The following NOL11 variants were observed in gnomAD, a reference collection of about 807,000 sequenced individuals.
NOL11 encodes nucleolar protein 11.
NOL11 carries 42 observed loss-of-function variants against 93.0 expected under a neutral mutation model. The observed-to-expected ratio is 0.45, with a 90% CI of 0.35 to 0.58. NOL11 has a LOEUF of 0.58. Among genes scored for constraint, NOL11 ranks in the 20% least tolerant of loss-of-function variants. The pLI is 0.00. For missense variants in NOL11, 775 were observed against 841.8 expected (o/e 0.92, Z 0.98); for synonymous variants, 296 against 293.7 (o/e 1.01, Z -0.08).
At chr17:67,738,701 T>C in intron 14 of NOL11, 1 of 464,362 alleles carries the variant, frequency 2.2e-6, no homozygotes, top group Non-Finnish European at 3.8e-6. Flanking sequence ...AAGAAGAAGC[T>C]ATACTAACAC....
intron 8 of NOL11, among the ~76,000 whole-genome samples, chr17:67,735,544 C>T (rs1052988622): frequency 1.2e-4 from 18 of 151,152 alleles, no homozygotes; most frequent in Non-Finnish European, 1.9e-4. Context: ...TGTTAAATTC[C>T]GGTTTGTAAA....
chr17:67,734,041 G>A (rs2055178597), intron 7 of NOL11, among the ~76,000 whole-genome samples: 1 of 152,076 alleles, frequency 6.6e-6, no homozygotes, highest in African/African-American at 2.4e-5. Flanking sequence ...TTTATATTTT[G>A]AAAGAGTTTG....
Position 67,734,368 on chromosome 17 carries a change from C to T in NOL11, c.859C>T (p.Leu287Phe), listed in dbSNP as rs760594321. The change falls in exon 8 of 18, where the codon CTC becomes TTC. Residue 287 changes from leucine to phenylalanine, a missense_variant. Leu to Phe is a conservative substitution (Grantham distance 22). This residue lies in a region of NOL11 where 416 missense variants were observed against 525.2 expected (regional missense o/e 0.79). Transcript: ENST00000253247. ...ATTTATGTCTTATTTTATAGAATGC[C>T]TCTCTGTATGGAACATAAAATTTCA... Reference protein sequence around the residue: ...GSPLAASKECLSVWNIKFQTL... With the variant: ...GSPLAASKECFSVWNIKFQTL... The T allele has an allele frequency of 1.3e-6, 2 of 1,579,120 alleles. No homozygotes were observed. Among genetic ancestry groups the T allele is most frequent in the Non-Finnish European group, 8.7e-7 (1 of 1,150,012 alleles).
chr17:67,722,751 G>T, intron 5 of NOL11, 114 bp downstream of exon 5: 1 of 1,355,468 alleles, frequency 7.4e-7, no homozygotes, highest in South Asian at 1.6e-5. Context: ...GTGGTGCCAC[G>T]ATGGTTCACT....
intron 8 of NOL11, among the ~76,000 whole-genome samples, chr17:67,735,455 A>G (rs2055192459): frequency 6.6e-6 from 1 of 151,720 alleles, no homozygotes; most frequent in Admixed American, 6.6e-5. Flanking sequence ...TATTATTACA[A>G]ACTTTTTTTT....
At chr17:67,728,646 A>G (rs2055122151) in intron 7 of NOL11, among the ~76,000 whole-genome samples, 1 of 152,046 alleles carries the variant, frequency 6.6e-6, no homozygotes, top group African/African-American at 2.4e-5. Flanking sequence ...GTCCATATAC[A>G]AGCAAATACT....
chr17:67,724,500 A>G (rs2055069132), intron 6 of NOL11, among the ~76,000 whole-genome samples: 1 of 151,864 alleles, frequency 6.6e-6, no homozygotes, highest in Non-Finnish European at 1.5e-5. Context: ...CATCTGGCTC[A>G]TTTTTGTATT....
intron 14 of NOL11, 178 bp downstream of exon 14, chr17:67,738,533 C>T: frequency 1.8e-6 from 1 of 571,170 alleles, no homozygotes; most frequent in South Asian, 2.4e-5. Context: ...TTACTTAAAC[C>T]TGTTTAATTT....
chr17:67,721,319 C>T (rs2043216093), intron 3 of NOL11, 59 bp from the exon 4 acceptor site: 3 of 1,059,808 alleles, frequency 2.8e-6, no homozygotes, highest in Non-Finnish European at 4.0e-6. Context: ...CTCTAAATAT[C>T]CTTATATTAG....
At chr17:67,730,231 G>T (rs975807848) in intron 7 of NOL11, among the ~76,000 whole-genome samples, 1 of 152,008 alleles carries the variant, frequency 6.6e-6, no homozygotes, top group Non-Finnish European at 1.5e-5. Context: ...ATGTATTTGT[G>T]TACCAGTTTT....
intron 7 of NOL11, among the ~76,000 whole-genome samples, chr17:67,730,257 TTTG>T (rs2055140647): frequency 6.8e-6 from 1 of 148,090 alleles, no homozygotes; most frequent in African/African-American, 2.6e-5. Context: ...TTGTTTTTTG[TTTG>T]TTTGTTTGTT....
intron 16 of NOL11, 98 bp from the exon 17 acceptor site, chr17:67,743,381 C>G (rs1208392517): frequency 6.1e-6 from 3 of 491,540 alleles, no homozygotes; most frequent in Non-Finnish European, 1.1e-5. Context: ...TTTATAAAGA[C>G]TTATTTTTCT....
chr17:67,740,701 T>G (rs963901213), intron 16 of NOL11: 6 of 154,540 alleles, frequency 3.9e-5, no homozygotes, highest in Admixed American at 2.6e-4. Flanking sequence ...TAGTTCCTTG[T>G]CTTTGGACAT....
In NOL11 at chr17:67,721,465, G is replaced by A; in HGVS notation, c.400G>A (p.Ala134Thr). 2 of 1,613,922 alleles carry A rather than the reference G, an allele frequency of 1.2e-6. No homozygotes were observed. Among genetic ancestry groups the A allele is most frequent in the Non-Finnish European group, 1.7e-6 (2 of 1,179,848 alleles). ...FKEGAVRGLE[A>T]LLADPQQKIE... ...GGAAGGTGCTGTTCGTGGTTTAGAG[G>A]CCTTGCTTGCAGACCCCCAGCAGAA... is the stretch of plus-strand genomic sequence containing the variant. Residue 134 changes from alanine to threonine, a missense_variant, in exon 4 of 18, where the codon GCC (alanine) becomes ACC (threonine). Around this residue, in one of 2 missense-constraint regions of NOL11, gnomAD observed 359 missense variants for 316.5 expected, o/e 1.13. Transcript: ENST00000253247.
chr17:67,722,663 C>A, intron 5 of NOL11, 26 bp downstream of exon 5: 1 of 1,524,710 alleles, frequency 6.6e-7, no homozygotes, highest in Non-Finnish European at 8.7e-7. Flanking sequence ...AATTCCTGGC[C>A]CATTTTGTGA....
At chr17:67,722,663 C>G in intron 5 of NOL11, 26 bp downstream of exon 5, 2 of 1,524,710 alleles carry the variant, frequency 1.3e-6, no homozygotes, top group Non-Finnish European at 1.7e-6. Flanking sequence ...AATTCCTGGC[C>G]CATTTTGTGA....
chr17:67,731,167 C>A (rs1414553298), intron 7 of NOL11, among the ~76,000 whole-genome samples: 1 of 152,130 alleles, frequency 6.6e-6, no homozygotes, highest in African/African-American at 2.4e-5. Context: ...AGATGCTACA[C>A]CCTTATCAGA....
At chr17:67,742,835 T>A (rs1169624092) in intron 16 of NOL11, among the ~76,000 whole-genome samples, 2 of 152,248 alleles carry the variant, frequency 1.3e-5, no homozygotes, top group Admixed American at 6.5e-5. Flanking sequence ...TCATCTATAA[T>A]ACACAACACC....
intron 5 of NOL11, among the ~76,000 whole-genome samples, chr17:67,723,841 G>A (rs2055060254): frequency 6.6e-6 from 1 of 152,040 alleles, no homozygotes; most frequent in Non-Finnish European, 1.5e-5. Context: ...GGGAGGTGGA[G>A]GTTGCAATGA....
Sources: gnomAD v4.1 joint callset for allele counts (sites outside exome capture counted in the v4.1 genomes callset) on GRCh38, gnomAD v4.1.1 for gene constraint, gnomAD v4.1.1 regional missense constraint, MANE v1.5 for transcripts, NCBI Gene and HGNC (gene_info 2026-07-23, HGNC 2026-07-21) for gene names.